CDC73: variants seen among roughly 807,000 people sequenced by gnomAD.
CDC73 encodes parafibromin.
Under a neutral mutation model 83.7 loss-of-function variants are expected in CDC73, and 21 were observed. The ratio of observed to expected loss-of-function variants is 0.25; its 90% CI spans 0.18 to 0.36. The LOEUF is 0.36. Ranked by LOEUF, CDC73 falls within the 10% of genes least tolerant of loss-of-function variation. CDC73 has a pLI of 1.00. For synonymous variants in CDC73, 224 were observed against 212.9 expected (o/e 1.05, Z -0.45); for missense variants, 342 against 653.3 (o/e 0.52, Z 5.19).
chr1:193,135,033 C>CAT (rs1016642956), intron 3 of CDC73, among the ~76,000 whole-genome samples: 25 of 131,726 alleles, frequency 1.9e-4, no homozygotes, highest in African/African-American at 6.1e-4. Flanking sequence ...AAATCTTGTC[C>CAT]ATATATATGT....
At chr1:193,126,960 CTTG>C (rs1675586568) in intron 2 of CDC73, among the ~76,000 whole-genome samples, 1 of 152,078 alleles carries the variant, frequency 6.6e-6, no homozygotes, top group South Asian at 2.1e-4. Context: ...CAAACAATAA[CTTG>C]TTGTCTAAAG....
chr1:193,247,755 T>A (rs1677978635), intron 15 of CDC73, among the ~76,000 whole-genome samples: 1 of 152,104 alleles, frequency 6.6e-6, no homozygotes. Flanking sequence ...CATAATATTC[T>A]GCTAAGCCAG....
chr1:193,122,154 G>T lies in CDC73; in HGVS notation c.-47G>T. ...GACAAGAGAAGAAGGAGGCAGGCGC[G>T]GCGGCAGCGGCGGCGCCCCGAGCCG... On this transcript the variant is annotated 5_prime_UTR_variant, in exon 1 of 17. Transcript: ENST00000367435. 1 of 1,594,336 alleles carries T rather than the reference G, an allele frequency of 6.3e-7. No homozygotes were observed. Among genetic ancestry groups the T allele is most frequent in the Non-Finnish European group, 8.6e-7 (1 of 1,164,024 alleles).
At chr1:193,239,817 C>G (rs1395261395) in intron 15 of CDC73, among the ~76,000 whole-genome samples, 3 of 152,124 alleles carry the variant, frequency 2.0e-5, no homozygotes, top group East Asian at 3.9e-4. Flanking sequence ...GCCTCCTACT[C>G]TGCTTTTGAA....
intron 13 of CDC73, among the ~76,000 whole-genome samples, chr1:193,221,558 AAAG>A (rs1677470046): frequency 6.6e-6 from 1 of 152,246 alleles, no homozygotes; most frequent in South Asian, 2.1e-4. Flanking sequence ...ATGTTAAAAA[AAAG>A]AAATTGTCTT....
chr1:193,223,673 A>G (rs550181594), intron 13 of CDC73, among the ~76,000 whole-genome samples: 1 of 152,050 alleles, frequency 6.6e-6, no homozygotes, highest in Non-Finnish European at 1.5e-5. Flanking sequence ...CTTATTTTCT[A>G]TTTCAGGAGC....
At chr1:193,228,716 G>T (rs560408349) in intron 13 of CDC73, among the ~76,000 whole-genome samples, 2 of 152,024 alleles carry the variant, frequency 1.3e-5, no homozygotes, top group South Asian at 4.1e-4. Context: ...AAACTGTAAG[G>T]CTTCTAGAAT....
chr1:193,148,027 G>A (rs1177638511), intron 8 of CDC73, 62 bp downstream of exon 8: 7 of 1,070,228 alleles, frequency 6.5e-6, no homozygotes, highest in Non-Finnish European at 1.0e-5. Flanking sequence ...TTGCAGTGTA[G>A]TAACGTTGAA....
chr1:193,210,481 A>C (rs374045443), intron 11 of CDC73, among the ~76,000 whole-genome samples: 23 of 152,256 alleles, frequency 1.5e-4, no homozygotes, highest in African/African-American at 5.5e-4. Flanking sequence ...AATACTGAAA[A>C]TAGAACTTGC....
At chr1:193,212,195 T>G in intron 12 of CDC73, 95 bp downstream of exon 12, 1 of 1,055,974 alleles carries the variant, frequency 9.5e-7, no homozygotes, top group Non-Finnish European at 1.4e-6. Flanking sequence ...TATCACATGT[T>G]TGTGCTTGGT....
intron 5 of CDC73, 25 bp from the exon 6 acceptor site, chr1:193,138,060 T>A: frequency 1.9e-6 from 3 of 1,550,590 alleles, no homozygotes; most frequent in Non-Finnish European, 2.7e-6. Context: ...AAATTTTAAA[T>A]GCATTAACCA....
chr1:193,143,994 C>T (rs935984088), intron 7 of CDC73, among the ~76,000 whole-genome samples: 8 of 150,416 alleles, frequency 5.3e-5, no homozygotes. Flanking sequence ...CTTGTAATCA[C>T]AGCTACCTGG....
intron 10 of CDC73, chr1:193,186,391 A>C (rs1247052811): frequency 2.0e-5 from 3 of 152,530 alleles, no homozygotes; most frequent in African/African-American, 7.2e-5. Context: ...TTCTCGTCTC[A>C]GTATCCATAT....
chr1:193,170,255 T>C (rs186531780), intron 10 of CDC73, among the ~76,000 whole-genome samples: 1 of 152,362 alleles, frequency 6.6e-6, no homozygotes, highest in Admixed American at 6.5e-5. Context: ...GCAGTGAATA[T>C]ACGCATGCAT....
Position 193,144,112 on chromosome 1 carries a change from C to CAAAAAAA in CDC73, c.729+2060_729+2066dup, listed in dbSNP as rs67477778. ...GTGACAGAGTGAGACTCTGTCTCAC[C>CAAAAAAA]AAAAAAAAAAAAAAAAAAAATTTCA... On this transcript the variant is annotated intron_variant, in intron 7 of 16. Coordinates refer to ENST00000367435, the MANE Select transcript of CDC73 (RefSeq NM_024529.5). 1.7e-3 allele frequency among the ~76,000 whole-genome samples: 112 copies of CAAAAAAA among 64,386 alleles called. 25 individuals carry two copies. The highest frequency in any genetic ancestry group is 0.025 in the Middle Eastern group (2 of 80). The allele number at this position is 64,386 out of a possible 152,430, so 42.2% of individuals were successfully genotyped here.
intron 3 of CDC73, 150 bp from the exon 4 acceptor site, chr1:193,135,241 T>C (rs1162500469): frequency 3.0e-6 from 2 of 668,468 alleles, no homozygotes; most frequent in Non-Finnish European, 5.4e-6. Flanking sequence ...AAATAACATG[T>C]TTTTGCAGAG....
chr1:193,243,245 C>G (rs139514876), intron 15 of CDC73, among the ~76,000 whole-genome samples: 1,683 of 151,214 alleles, frequency 0.011, 7 homozygotes, highest in Non-Finnish European at 0.018. Context: ...CAGCTTACTT[C>G]TTGTTTTTAA....
intron 13 of CDC73, among the ~76,000 whole-genome samples, chr1:193,216,640 A>G (rs1209230058): frequency 3.4e-5 from 5 of 148,208 alleles, no homozygotes; most frequent in African/African-American, 1.3e-4. Flanking sequence ...AGAGACAATT[A>G]AAAAAAAAAA....
At chr1:193,123,652 T>C (rs1006338728) in intron 1 of CDC73, among the ~76,000 whole-genome samples, 5 of 151,578 alleles carry the variant, frequency 3.3e-5, no homozygotes, top group African/African-American at 1.2e-4. Context: ...GAATTACATG[T>C]GGTTGGATTT....
Sources: allele counts gnomAD v4.1 joint callset (sites outside exome capture counted in the v4.1 genomes callset), GRCh38; gene constraint gnomAD v4.1.1; transcripts MANE v1.5; gene names NCBI Gene and HGNC (gene_info 2026-07-23, HGNC 2026-07-21).